The following ITGAE variants were observed in gnomAD, a reference collection of about 807,000 sequenced individuals.
The protein encoded by ITGAE is integrin subunit alpha E.
Under a neutral mutation model 136.5 loss-of-function variants are expected in ITGAE, and 99 were observed. The ratio of observed to expected loss-of-function variants is 0.73; its 90% CI spans 0.62 to 0.86. The LOEUF (loss-of-function observed/expected upper bound fraction) is 0.86, where lower values mean the gene tolerates loss of function less well. ITGAE is among the 40% of genes least tolerant of loss of function. The pLI is 0.00. For synonymous variants in ITGAE, 613 were observed against 591.8 expected (o/e 1.04, Z -0.52); for missense variants, 1,447 against 1,515.3 (o/e 0.95, Z 0.75).
Position 3,755,118 on chromosome 17 carries a change from C to T in ITGAE, c.1383G>A (p.Leu461=). The T allele has an allele frequency of 3.4e-6, 4 of 1,180,760 alleles. No individual in the cohort carries two copies. Among genetic ancestry groups the T allele is most frequent in the Non-Finnish European group, 4.5e-6 (4 of 881,078 alleles). The allele number at this position is 1,180,760 out of a possible 1,614,324, so 73.1% of individuals were successfully genotyped here. ...ADAEAAQYSY[L]GYAVAVLHKT... The stretch of plus-strand genomic sequence containing the variant: ...CTCATCAGGTGGCCCCGCCCTCACC[C>T]AGGTAGCTGTACTGCGCAGCCTCCG... The change falls in exon 12 of 31, where the codon CTG becomes CTA. Residue 461 remains leucine (L), a splice_region_variant and synonymous_variant. Transcript: ENST00000263087.
At chr17:3,753,594 C>T (rs2051925361) in intron 13 of ITGAE, among the ~76,000 whole-genome samples, 164 bp from the exon 14 acceptor site, 1 of 152,202 alleles carries the variant, frequency 6.6e-6, no homozygotes, top group Non-Finnish European at 1.5e-5. Flanking sequence ...CCAGGCCCCA[C>T]AGCGGAGGAA....
intron 9 of ITGAE, 33 bp from the exon 10 acceptor site, chr17:3,757,167 C>T: frequency 6.2e-7 from 1 of 1,606,688 alleles, no homozygotes; most frequent in Non-Finnish European, 8.5e-7. Flanking sequence ...CGAGTCAGCG[C>T]TGCGTGGATT....
At chr17:3,738,543 A>G (rs1478405110) in intron 20 of ITGAE, among the ~76,000 whole-genome samples, 6 of 152,188 alleles carry the variant, frequency 3.9e-5, no homozygotes, top group African/African-American at 1.4e-4. Context: ...TCTGGAATTC[A>G]GTGTGGTCCA....
At chr17:3,726,989 A>G (rs562180892) in intron 26 of ITGAE, among the ~76,000 whole-genome samples, 2 of 151,932 alleles carry the variant, frequency 1.3e-5, no homozygotes, top group South Asian at 4.1e-4. Flanking sequence ...CGGCATCCCA[A>G]AGTGCTGGGT....
intron 3 of ITGAE, among the ~76,000 whole-genome samples, chr17:3,763,169 A>G (rs1036664962): frequency 3.3e-5 from 5 of 152,188 alleles, no homozygotes; most frequent in Non-Finnish European, 1.5e-5. Context: ...CTAAGATTAC[A>G]GGCGTGAGCC....
At chr17:3,759,589 G>T (rs1360581460) in intron 7 of ITGAE, 36 bp from the exon 8 acceptor site, 5 of 1,594,318 alleles carry the variant, frequency 3.1e-6, no homozygotes, top group Non-Finnish European at 4.3e-6. Context: ...GAGGTTGGAA[G>T]AATTGCCACC....
chr17:3,769,882 G>A (rs946397047), intron 2 of ITGAE, among the ~76,000 whole-genome samples: 1 of 151,968 alleles, frequency 6.6e-6, no homozygotes, highest in African/African-American at 2.4e-5. Context: ...TATTAGAGAT[G>A]GGGTTTCACC....
In ITGAE at chr17:3,753,815, C is replaced by A. The variant is rs2272605; in HGVS notation, c.1495G>T (p.Ala499Ser). The stretch of plus-strand genomic sequence containing the variant: ...CCCTCCAGCACTGGCAGGAAGCTGG[C>A]CTCTCTGCCCTCCTTCTGGAGCTCA... Reference protein sequence around the residue: ...VFELQKEGREASFLPVLEGEQ... With the variant: ...VFELQKEGRESSFLPVLEGEQ... Residue 499 changes from alanine (A) to serine (S), a missense_variant, in exon 13 of 31, where the codon GCC becomes TCC. Physicochemically the swap from Ala to Ser is moderately conservative, Grantham distance 99. This residue lies in a region of ITGAE where 1,031 missense variants were observed against 1,011.4 expected (regional missense o/e 1.02). Coordinates refer to ENST00000263087, the MANE Select transcript of ITGAE (RefSeq NM_002208.5). The A allele has an allele frequency of 4.1e-5, 66 of 1,614,222 alleles. 3 individuals carry two copies. The East Asian group carries it at 1.0e-3, about 25-fold the overall frequency.
intron 1 of ITGAE, among the ~76,000 whole-genome samples, chr17:3,800,467 C>G (rs1480869698): frequency 1.3e-5 from 2 of 152,222 alleles, no homozygotes; most frequent in Non-Finnish European, 2.9e-5. Flanking sequence ...GCTGTCTCAT[C>G]ACAGGGGGCC....
rs923110450 is a variant in ITGAE, at chr17:3,746,522, C to A, written c.2156-595G>T. Among the ~76,000 whole-genome samples the A allele has an allele frequency of 8.6e-5, 13 of 151,370 alleles. No individual in the cohort carries two copies. The East Asian group carries it at 1.9e-3, about 23-fold the overall frequency. ...CCAGGCTGGAGTGCAGCGGCGCGAT[C>A]TTGGCTCACTGCAAGCTCCGCCTCC... On this transcript the variant is annotated intron_variant, in intron 17 of 30. Coordinates refer to ENST00000263087, the MANE Select transcript of ITGAE (RefSeq NM_002208.5).
In ITGAE at chr17:3,739,790, C is replaced by T. The variant is rs200933046; in HGVS notation, c.2522+15G>A. The T allele has an allele frequency of 6.2e-7, 1 of 1,611,634 alleles. No individual in the cohort carries two copies. Among genetic ancestry groups the T allele is most frequent in the Non-Finnish European group, 8.5e-7 (1 of 1,177,706 alleles). Reference sequence around the variant, plus strand: ...GAAGGTTAATCGAGGAAACTGACGGCTATGTCCAACTCACTGAGAGACGGT... The same window carrying T: ...GAAGGTTAATCGAGGAAACTGACGGTTATGTCCAACTCACTGAGAGACGGT... On this transcript the variant is annotated intron_variant, in intron 20 of 30. Coordinates refer to ENST00000263087, the MANE Select transcript of ITGAE (RefSeq NM_002208.5).
intron 2 of ITGAE, among the ~76,000 whole-genome samples, chr17:3,771,534 CTTT>C (rs71312930): frequency 8.1e-5 from 10 of 123,226 alleles, no homozygotes; most frequent in East Asian, 7.3e-4. Context: ...GCATTTTTCT[CTTT>C]TTTTTTTTTT....
rs1363195299 is a variant in ITGAE, at chr17:3,759,458, C to T, written c.810G>A (p.Gln270=). The change falls in exon 8 of 31, where the codon CAG becomes CAA. Residue 270 remains glutamine, a synonymous_variant. Transcript: ENST00000263087. Reference sequence around the variant, plus strand: ...TGACACTCCCCACTTGAGTGATGTTCTGGACTCTGGCGAGGGAGGCCATCA... The same window carrying T: ...TGACACTCCCCACTTGAGTGATGTTTTGGACTCTGGCGAGGGAGGCCATCA... ...QDVMASLARV[Q]NITQVGSVTK... is the part of the protein sequence containing the mutation. The T allele has an allele frequency of 6.2e-7, 1 of 1,614,182 alleles. No homozygotes were observed.
chr17:3,794,029 A>C (rs1597374790), intron 1 of ITGAE, among the ~76,000 whole-genome samples: 1 of 126,066 alleles, frequency 7.9e-6, no homozygotes, highest in Non-Finnish European at 1.5e-5. Flanking sequence ...CCCAGGCTGG[A>C]GTGCAATGGC....
chr17:3,727,894 C>A (rs559109861), intron 26 of ITGAE, 25 bp downstream of exon 26: 2 of 1,399,730 alleles, frequency 1.4e-6, no homozygotes, highest in Admixed American at 1.7e-5. Context: ...AGAGGTGTGA[C>A]TGATAAAGAA....
At chr17:3,796,121 C>CATCCATG (rs1567565676) in intron 1 of ITGAE, among the ~76,000 whole-genome samples, 3 of 131,622 alleles carry the variant, frequency 2.3e-5, no homozygotes, top group Non-Finnish European at 3.2e-5. Context: ...GTGTGCATCC[C>CATCCATG]TGTGTGTGCA....
In ITGAE at chr17:3,798,148, C is replaced by T. The variant is rs551649173; in HGVS notation, c.34+2963G>A. On this transcript the variant is annotated intron_variant, in intron 1 of 30. Coordinates refer to ENST00000263087, the MANE Select transcript of ITGAE (RefSeq NM_002208.5). This position sits in a 1 kb window ranked among gnomAD's most constrained non-coding sequence, Gnocchi z 4.3. ...CCACACTCCCCCAGCCAGCTCTCCC[C>T]CACACACTGCATTCCGGGGGCATTT... Among the ~76,000 whole-genome samples, 1 of 152,342 alleles carries T rather than the reference C, an allele frequency of 6.6e-6. No homozygotes were observed. Among genetic ancestry groups the T allele is most frequent in the African/African-American group, 2.4e-5 (1 of 41,572 alleles).
chr17:3,773,320 G>A (rs2052470347), intron 2 of ITGAE, among the ~76,000 whole-genome samples: 2 of 150,760 alleles, frequency 1.3e-5, no homozygotes, highest in South Asian at 2.1e-4. Context: ...GTGAAACCCC[G>A]TCTCTACTAA....
chr17:3,778,331 G>T (rs2052591367), intron 1 of ITGAE, among the ~76,000 whole-genome samples: 1 of 152,202 alleles, frequency 6.6e-6, no homozygotes, highest in Non-Finnish European at 1.5e-5. Context: ...GGGAGGCCGA[G>T]GCGGCTGGAT....
Sources: gnomAD v4.1 joint callset for allele counts (sites outside exome capture counted in the v4.1 genomes callset) on GRCh38, gnomAD v4.1.1 for gene constraint, gnomAD v4.1.1 regional missense constraint, Gnocchi (gnomAD v3.1) non-coding constraint, MANE v1.5 for transcripts, NCBI Gene and HGNC (gene_info 2026-07-23, HGNC 2026-07-21) for gene names.